The following DAAM1 variants were observed in gnomAD, a reference collection of about 807,000 sequenced individuals.
DAAM1 encodes the protein disheveled-associated activator of morphogenesis 1.
A neutral mutation model predicts 130.0 loss-of-function variants in DAAM1; 52 were observed. That is an observed-to-expected ratio of 0.40 (90% CI 0.32 to 0.50). The LOEUF (loss-of-function observed/expected upper bound fraction) is 0.50. Among genes scored for constraint, DAAM1 ranks in the 20% least tolerant of loss-of-function variants. The probability of loss-of-function intolerance (pLI) is 0.61; values close to 1 mark genes in which losing one functional copy is unlikely to be tolerated. For synonymous variants in DAAM1, 452 were observed against 444.5 expected (o/e 1.02, Z -0.21); for missense variants, 1,134 against 1,303.8 (o/e 0.87, Z 2.01).
intron 1 of DAAM1, among the ~76,000 whole-genome samples, chr14:59,199,988 C>G (rs941927079): frequency 6.6e-5 from 10 of 152,314 alleles, no homozygotes; most frequent in African/African-American, 2.4e-4. Flanking sequence ...TGAACCAAGC[C>G]TGGATATTTA....
chr14:59,259,650 C>A (rs1039596866), intron 1 of DAAM1, among the ~76,000 whole-genome samples: 4 of 152,152 alleles, frequency 2.6e-5, no homozygotes, highest in African/African-American at 9.7e-5. Flanking sequence ...AGGACACATA[C>A]CAGAGACAAA....
chr14:59,310,453 C>T (rs1221897433), intron 3 of DAAM1, among the ~76,000 whole-genome samples: 2 of 151,972 alleles, frequency 1.3e-5, no homozygotes, highest in African/African-American at 4.8e-5. Context: ...AATTAATGAA[C>T]AAGGTGACTA....
chr14:59,353,903 A>G lies in DAAM1; in HGVS notation c.2295A>G (p.Gln765=), dbSNP rs1223338103. 3.1e-6 allele frequency: 5 copies of G among 1,614,032 alleles called. No homozygotes were observed. Among genetic ancestry groups the G allele is most frequent in the East Asian group, 2.2e-5 (1 of 44,876 alleles). ...TTAATCACTATCAGCAAAGGTTGCA[A>G]TCGCTGTACTTCAAAAAGAAGTTTG... The part of the protein sequence containing the change: ...SRINHYQQRL[Q]SLYFKKKFAE... Residue 765 remains glutamine, a synonymous_variant, in exon 19 of 25, where the codon CAA becomes CAG. Coordinates refer to ENST00000360909, the MANE Select transcript of DAAM1 (RefSeq NM_001270520.2).
chr14:59,278,111 TCTC>T (rs1883051788), intron 2 of DAAM1, among the ~76,000 whole-genome samples: 1 of 152,198 alleles, frequency 6.6e-6, no homozygotes, highest in African/African-American at 2.4e-5. Flanking sequence ...GTGAATGTGG[TCTC>T]CTCCTCTCTT....
intron 1 of DAAM1, among the ~76,000 whole-genome samples, chr14:59,214,723 A>AT (rs1888526421): frequency 6.6e-6 from 1 of 152,116 alleles, no homozygotes; most frequent in South Asian, 2.1e-4. Flanking sequence ...TGTTTTATAG[A>AT]TATACCACAT....
At chr14:59,319,476 A>G (rs534558727) in intron 4 of DAAM1, among the ~76,000 whole-genome samples, 1 of 152,316 alleles carries the variant, frequency 6.6e-6, no homozygotes, top group East Asian at 1.9e-4. Flanking sequence ...ATATGAGTCA[A>G]GCTTTTCTTT....
chr14:59,263,239 G>A (rs1361107422), intron 1 of DAAM1, among the ~76,000 whole-genome samples: 1 of 152,178 alleles, frequency 6.6e-6, no homozygotes, highest in African/African-American at 2.4e-5. Context: ...GTTATTGCAG[G>A]AAACAGTCAA....
In DAAM1 at chr14:59,258,581, A is replaced by C. The variant is rs577555592; in HGVS notation, c.-37-4860A>C. ...ATACTGGGCAGTTGTTGGGATCACT[A>C]GTCAGTGAAGTGCTAGGGAAGTTAA... is the stretch of plus-strand genomic sequence containing the variant. On this transcript the variant is annotated intron_variant, in intron 1 of 24. Coordinates refer to ENST00000360909, the MANE Select transcript of DAAM1 (RefSeq NM_001270520.2). Among the ~76,000 whole-genome samples, 5 of 152,352 alleles carry C rather than the reference A, an allele frequency of 3.3e-5. No individual in the cohort carries two copies. The South Asian group carries it at 1.0e-3, about 32-fold the overall frequency.
chr14:59,189,119 C>T (rs1887645601), intron 1 of DAAM1, among the ~76,000 whole-genome samples: 1 of 152,190 alleles, frequency 6.6e-6, no homozygotes. Flanking sequence ...TAACACTCGC[C>T]GCCTTGCTGA....
intron 3 of DAAM1, among the ~76,000 whole-genome samples, chr14:59,314,354 G>A (rs182344521): frequency 5.2e-4 from 79 of 152,288 alleles, no homozygotes; most frequent in Non-Finnish European, 8.8e-4. Context: ...TCCTTTTCAG[G>A]TCTGTTTGAT....
chr14:59,202,170 A>G (rs1371881905), intron 1 of DAAM1, among the ~76,000 whole-genome samples: 1 of 152,198 alleles, frequency 6.6e-6, no homozygotes, highest in Non-Finnish European at 1.5e-5. Context: ...GAAAGGATCT[A>G]GGTTCTTTCA....
chr14:59,363,457 T>G (rs1309253041), intron 22 of DAAM1, 194 bp from the exon 23 acceptor site: 1 of 625,058 alleles, frequency 1.6e-6, no homozygotes, highest in Non-Finnish European at 2.7e-6. Flanking sequence ...AATATGCGTG[T>G]GCACATGGGC....
chr14:59,243,869 A>C (rs1027733823), intron 1 of DAAM1, among the ~76,000 whole-genome samples: 1 of 152,204 alleles, frequency 6.6e-6, no homozygotes, highest in Admixed American at 6.5e-5. Context: ...TGAAGTTCCA[A>C]ACATTAGCAT....
intron 3 of DAAM1, among the ~76,000 whole-genome samples, chr14:59,309,273 G>T (rs1191878914): frequency 6.6e-6 from 1 of 152,198 alleles, no homozygotes; most frequent in Non-Finnish European, 1.5e-5. Flanking sequence ...CAAAAAGTAG[G>T]ATTAAATATA....
intron 2 of DAAM1, among the ~76,000 whole-genome samples, chr14:59,283,100 T>G (rs1267745915): frequency 6.6e-6 from 1 of 152,180 alleles, no homozygotes; most frequent in African/African-American, 2.4e-5. Flanking sequence ...GTTTTAGGAA[T>G]CACATGTTTC....
At chr14:59,209,530 ACCC>A (rs1888365023) in intron 1 of DAAM1, among the ~76,000 whole-genome samples, 2 of 152,178 alleles carry the variant, frequency 1.3e-5, no homozygotes, top group Non-Finnish European at 1.5e-5. Context: ...TACTTTGAAT[ACCC>A]ATACAACCAT....
In DAAM1 at chr14:59,282,952, A is replaced by C. The variant is rs548603290; in HGVS notation, c.184-8265A>C. On this transcript the variant is annotated intron_variant, in intron 2 of 24. Coordinates refer to ENST00000360909, the MANE Select transcript of DAAM1 (RefSeq NM_001270520.2). ...TGCTCAGTGAAAATTATCTTCCTGC[A>C]TGAAATACCTGCCCCTAATTCCTAG... Among the ~76,000 whole-genome samples, 3 of 152,256 alleles carry C rather than the reference A, an allele frequency of 2.0e-5. No individual in the cohort carries two copies. In the East Asian group the frequency reaches 5.8e-4, roughly 29 times the overall value.
intron 4 of DAAM1, among the ~76,000 whole-genome samples, chr14:59,319,463 T>A (rs868700520): frequency 2.6e-4 from 39 of 152,186 alleles, no homozygotes; most frequent in African/African-American, 9.2e-4. Flanking sequence ...TTGAGACCCA[T>A]GGATATGAGT....
chr14:59,275,849 A>G lies in DAAM1; in HGVS notation c.183+12189A>G, dbSNP rs4901912. On this transcript the variant is annotated intron_variant, in intron 2 of 24. Transcript: ENST00000360909. ...TTATGTATCAAATGAAAACATGTCT[A>G]TCAGACACAGAGAATATTACTGTGT... 6.0e-3 allele frequency among the ~76,000 whole-genome samples: 909 copies of G among 152,316 alleles called. 22 individuals are homozygous for G. The highest frequency in any genetic ancestry group is 0.046 in the Admixed American group (708 of 15,298).
Sources: gnomAD v4.1 joint callset for allele counts (sites outside exome capture counted in the v4.1 genomes callset) on GRCh38, gnomAD v4.1.1 for gene constraint, MANE v1.5 for transcripts, NCBI Gene and HGNC (gene_info 2026-07-23, HGNC 2026-07-21) for gene names.